Variants in ABLIM2 observed in about 807,000 individuals in gnomAD.
ABLIM2 encodes the protein actin-binding LIM protein 2.
In ABLIM2, 53 loss-of-function variants were observed where a neutral mutation model predicts 97.7. That is an observed-to-expected ratio of 0.54 (90% CI 0.44 to 0.68). ABLIM2 has a LOEUF of 0.68. Among genes scored for constraint, ABLIM2 ranks in the 30% least tolerant of loss-of-function variants. ABLIM2 has a pLI of 0.00. For missense variants in ABLIM2, 835 were observed against 867.2 expected (o/e 0.96, Z 0.47); for synonymous variants, 361 against 345.8 (o/e 1.04, Z -0.49).
chr4:8,109,529 C>A (rs956961913), intron 1 of ABLIM2, among the ~76,000 whole-genome samples: 1 of 152,210 alleles, frequency 6.6e-6, no homozygotes, highest in Non-Finnish European at 1.5e-5. Flanking sequence ...TGCCCCTAAG[C>A]GTTCCCAGAA....
Position 8,067,152 on chromosome 4 carries a change from G to A in ABLIM2, c.676-6098C>T, listed in dbSNP as rs1808432114. ...AGCCAGGATCCAAAGAAGGCAGGCT[G>A]GATGCTACCTCCTGGGAAGACTCCA... On this transcript the variant is annotated intron_variant, in intron 6 of 20. Coordinates refer to ENST00000447017, the MANE Select transcript of ABLIM2 (RefSeq NM_001130083.2). This position sits in a 1 kb window ranked among gnomAD's most constrained non-coding sequence, Gnocchi z 5.4. 1 of 152,230 alleles carries A rather than the reference G, an allele frequency of 6.6e-6. No individual in the cohort carries two copies. The highest frequency in any genetic ancestry group is 1.5e-5 in the Non-Finnish European group (1 of 68,082). The allele number at this position is 152,230 out of a possible 1,614,324, so 9.4% of individuals were successfully genotyped here.
In ABLIM2 at chr4:8,019,266, G is replaced by A. The variant is rs903587350; in HGVS notation, c.1423+352C>T. ...GGCCTGGATCAGATTGTGGTTCTAGGAGCCTCTGTCCCTCACCATCTTGGC... is the reference window on the plus strand; with the variant it reads ...GGCCTGGATCAGATTGTGGTTCTAGAAGCCTCTGTCCCTCACCATCTTGGC... On this transcript the variant is annotated intron_variant, in intron 14 of 20. Coordinates refer to ENST00000447017, the MANE Select transcript of ABLIM2 (RefSeq NM_001130083.2). The surrounding 1 kb of genome is among the most constrained non-coding windows in gnomAD (Gnocchi z 4.3). 6.6e-6 allele frequency among the ~76,000 whole-genome samples: 1 copy of A among 152,200 alleles called. No homozygotes were observed. The highest frequency in any genetic ancestry group is 1.5e-5 in the Non-Finnish European group (1 of 68,038).
Position 8,128,078 on chromosome 4 carries a change from A to T in ABLIM2, c.11-21441T>A, listed in dbSNP as rs571317183. Among the ~76,000 whole-genome samples the T allele has an allele frequency of 6.6e-6, 1 of 152,182 alleles. No individual in the cohort carries two copies. Among genetic ancestry groups the T allele is most frequent in the Non-Finnish European group, 1.5e-5 (1 of 68,028 alleles). ...GCAGGACCCTGCTCTTCACAGGGGT[A>T]TAGGGAGCTCAGGCTGCCTCTTCCC... On this transcript the variant is annotated intron_variant, in intron 1 of 20. Transcript: ENST00000447017. This position sits in a 1 kb window ranked among gnomAD's most constrained non-coding sequence, Gnocchi z 4.9.
In ABLIM2 at chr4:7,986,293, C is replaced by T. The variant is rs549337482; in HGVS notation, c.1681-1400G>A. 1.4e-4 allele frequency among the ~76,000 whole-genome samples: 21 copies of T among 152,178 alleles called. No individual in the cohort carries two copies. Among genetic ancestry groups the T allele is most frequent in the East Asian group, 7.7e-4 (4 of 5,164 alleles). ...GGAGCTGGTTACAGCCTAGAGAGCA[C>T]GAGAGCAGGAAGACCTCAGAGGGCA... On this transcript the variant is annotated intron_variant, in intron 17 of 20. Coordinates refer to ENST00000447017, the MANE Select transcript of ABLIM2 (RefSeq NM_001130083.2). This position sits in a 1 kb window ranked among gnomAD's most constrained non-coding sequence, Gnocchi z 4.3.
chr4:7,969,730 GAC>G (rs56236019), intron 20 of ABLIM2, among the ~76,000 whole-genome samples: 3,366 of 139,602 alleles, frequency 0.024, 114 homozygotes, highest in African/African-American at 0.072. Context: ...CTCTCTCTCT[GAC>G]ACACACACAC....
chr4:7,990,551 T>G (rs1468750224), intron 17 of ABLIM2, among the ~76,000 whole-genome samples: 1 of 152,102 alleles, frequency 6.6e-6, no homozygotes, highest in East Asian at 1.9e-4. Flanking sequence ...TTTCCTCCTC[T>G]CCTCCTTTGT....
chr4:8,127,693 C>T lies in ABLIM2; in HGVS notation c.11-21056G>A, dbSNP rs1430147579. 9.6e-6 allele frequency: 12 copies of T among 1,255,170 alleles called. No homozygotes were observed. The highest frequency in any genetic ancestry group is 1.2e-5 in the Non-Finnish European group (12 of 966,390). 77.8% of individuals were successfully genotyped at this position (1,255,170 alleles called of 1,614,324 possible). A position where few individuals can be genotyped will look rare whatever the true frequency, so the allele number is the denominator to read the frequency against. On this transcript the variant is annotated intron_variant, in intron 1 of 20. Coordinates refer to ENST00000447017, the MANE Select transcript of ABLIM2 (RefSeq NM_001130083.2). This position sits in a 1 kb window ranked among gnomAD's most constrained non-coding sequence, Gnocchi z 7.3. ...GGAAGAGCCTCTGTGGCCCACAGGG[C>T]TCCCACAAGGTCACGTGGCAGCTGC...
At chr4:7,973,875 A>C (rs1730383784) in intron 20 of ABLIM2, among the ~76,000 whole-genome samples, 1 of 151,998 alleles carries the variant, frequency 6.6e-6, no homozygotes, top group Non-Finnish European at 1.5e-5. Flanking sequence ...GTCATGCATT[A>C]GTCTAGATGC....
Position 8,127,684 on chromosome 4 carries a change from CCCA to C in ABLIM2, c.11-21050_11-21048del, listed in dbSNP as rs1383418721. The C allele has an allele frequency of 7.9e-7, 1 of 1,261,250 alleles. No individual in the cohort carries two copies. Among genetic ancestry groups the C allele is most frequent in the Non-Finnish European group, 1.0e-6 (1 of 969,492 alleles). The allele number at this position is 1,261,250 out of a possible 1,614,324, so 78.1% of individuals were successfully genotyped here. On this transcript the variant is annotated intron_variant, in intron 1 of 20. Transcript: ENST00000447017. This position sits in a 1 kb window ranked among gnomAD's most constrained non-coding sequence, Gnocchi z 7.3. ...GTGGACCGGGGAAGAGCCTCTGTGG[CCCA>C]CAGGGCTCCCACAAGGTCACGTGGC...
chr4:8,042,531 G>A (rs977552778), intron 9 of ABLIM2, among the ~76,000 whole-genome samples: 1 of 152,144 alleles, frequency 6.6e-6, no homozygotes, highest in African/African-American at 2.4e-5. Flanking sequence ...TGGCCACCCA[G>A]TTATCATCCA....
intron 17 of ABLIM2, among the ~76,000 whole-genome samples, chr4:7,991,818 AG>A (rs1279012509): frequency 6.6e-6 from 1 of 152,122 alleles, no homozygotes; most frequent in Non-Finnish European, 1.5e-5. Context: ...CAGAGCCTGA[AG>A]GAGACGGAGA....
In ABLIM2 at chr4:7,986,215, C is replaced by G. The variant is rs550398858; in HGVS notation, c.1681-1322G>C. 6.6e-6 allele frequency among the ~76,000 whole-genome samples: 1 copy of G among 152,354 alleles called. No homozygotes were observed. The highest frequency in any genetic ancestry group is 6.5e-5 in the Admixed American group (1 of 15,306). On this transcript the variant is annotated intron_variant, in intron 17 of 20. Transcript: ENST00000447017. The surrounding 1 kb of genome is among the most constrained non-coding windows in gnomAD (Gnocchi z 4.3). ...AGACGGTATGCTCAGCCCAGCGGGTCTGTCACAGGGCAAAGTGTTTTCAAC... is the reference window on the plus strand; with the variant it reads ...AGACGGTATGCTCAGCCCAGCGGGTGTGTCACAGGGCAAAGTGTTTTCAAC...
chr4:8,158,402 C>G (rs995686778), intron 1 of ABLIM2, among the ~76,000 whole-genome samples: 6 of 152,174 alleles, frequency 3.9e-5, no homozygotes, highest in African/African-American at 1.4e-4. Flanking sequence ...CCGTGAGAAG[C>G]AAAGAAGGGG....
At position 8,123,006 on chromosome 4, in the gene ABLIM2, G is replaced by A. The variant is rs538765506; in HGVS notation, c.11-16369C>T. ...GGAGGTCGTGCCTGCCTCCCCTGGC[G>A]TTCCCACTCTGCAAGCCTCCTTCCT... On this transcript the variant is annotated intron_variant, in intron 1 of 20. Transcript: ENST00000447017. The surrounding 1 kb of genome is among the most constrained non-coding windows in gnomAD (Gnocchi z 6.2). 3.9e-5 allele frequency among the ~76,000 whole-genome samples: 6 copies of A among 152,274 alleles called. No homozygotes were observed. Among genetic ancestry groups the A allele is most frequent in the East Asian group, 3.9e-4 (2 of 5,166 alleles).
rs1466473341 is a variant in ABLIM2, at chr4:8,072,734, G to A, written c.675+4894C>T. ...CTGGACGCCCAGGTGAGTGGTGGGA[G>A]GCAGTGTGTATGTGGCGGAGGGAGA... On this transcript the variant is annotated intron_variant, in intron 6 of 20. Coordinates refer to ENST00000447017, the MANE Select transcript of ABLIM2 (RefSeq NM_001130083.2). The surrounding 1 kb of genome is among the most constrained non-coding windows in gnomAD (Gnocchi z 5.8). Among the ~76,000 whole-genome samples the A allele has an allele frequency of 2.0e-5, 3 of 152,208 alleles. No homozygotes were observed. The highest frequency in any genetic ancestry group is 2.9e-5 in the Non-Finnish European group (2 of 68,040).
intron 1 of ABLIM2, among the ~76,000 whole-genome samples, chr4:8,110,802 G>C (rs1416245090): frequency 6.6e-6 from 1 of 152,228 alleles, no homozygotes; most frequent in East Asian, 1.9e-4. Context: ...CTCGCGATGG[G>C]AGATAGACAT....
chr4:8,158,651 C>T lies in ABLIM2; in HGVS notation c.10+29G>A, dbSNP rs1405688429. The T allele has an allele frequency of 7.3e-6, 11 of 1,503,904 alleles. No homozygotes were observed. In the Admixed American group the frequency reaches 8.4e-5, roughly 11 times the overall value. The allele number at this position is 1,503,904 out of a possible 1,614,324, so 93.2% of individuals were successfully genotyped here. A position where few individuals can be genotyped will look rare whatever the true frequency, so the allele number is the denominator to read the frequency against. ...CGGCGCCGCGAGCCAGCGCGGGGAC[C>T]CGTTGGTCCCTCGGTCCCCAGCACC... On this transcript the variant is annotated intron_variant, in intron 1 of 20. Transcript: ENST00000447017.
rs1846459393 is a variant in ABLIM2, at chr4:8,123,586, C to T, written c.11-16949G>A. Among the ~76,000 whole-genome samples, 1 of 152,218 alleles carries T rather than the reference C, an allele frequency of 6.6e-6. No individual in the cohort carries two copies. Among genetic ancestry groups the T allele is most frequent in the African/African-American group, 2.4e-5 (1 of 41,462 alleles). The stretch of plus-strand genomic sequence containing the variant: ...GGCCTGGAGCCCAGGGAAAGCCAGG[C>T]CAGGCAGGGGAAACTGGCTGCAGAG... On this transcript the variant is annotated intron_variant, in intron 1 of 20. Transcript: ENST00000447017. The surrounding 1 kb of genome is among the most constrained non-coding windows in gnomAD (Gnocchi z 6.2).
At chr4:8,012,168 T>G (rs2150550376) in intron 14 of ABLIM2, among the ~76,000 whole-genome samples, 1 of 148,418 alleles carries the variant, frequency 6.7e-6, no homozygotes, top group East Asian at 2.1e-4. Flanking sequence ...CACCCATCTA[T>G]TCATCTAACT....
Sources: allele counts gnomAD v4.1 joint callset (sites outside exome capture counted in the v4.1 genomes callset), GRCh38; gene constraint gnomAD v4.1.1; non-coding constraint Gnocchi (gnomAD v3.1); transcripts MANE v1.5; gene names NCBI Gene and HGNC (gene_info 2026-07-23, HGNC 2026-07-21).